Variants in OCSTAMP observed in about 807,000 individuals in gnomAD.
OCSTAMP encodes the protein osteoclast stimulatory transmembrane protein.
A neutral mutation model predicts 25.2 loss-of-function variants in OCSTAMP; 17 were observed. The ratio of observed to expected loss-of-function variants is 0.68; its 90% CI spans 0.46 to 1.01. OCSTAMP has a LOEUF of 1.01. Among genes scored for constraint, OCSTAMP ranks in the 50% least tolerant of loss-of-function variants. OCSTAMP has a pLI of 0.00. For missense variants in OCSTAMP, 664 were observed against 694.6 expected (o/e 0.96, Z 0.50); for synonymous variants, 345 against 318.9 (o/e 1.08, Z -0.87).
In OCSTAMP at chr20:46,545,587, G is replaced by C. The variant is rs1166037832; in HGVS notation, c.787C>G (p.Leu263Val). The C allele has an allele frequency of 6.4e-7, 1 of 1,551,598 alleles. No individual in the cohort carries two copies. The highest frequency in any genetic ancestry group is 2.4e-5 in the East Asian group (1 of 40,922). ...RFDNIYATQQ[L>V]TQRLAQAQAT... is the part of the protein sequence containing the mutation. ...TGGGCCTGTGCCAACCGCTGGGTCA[G>C]CTGTTGAGTGGCGTAGATATTGTCA... Residue 263 changes from leucine to valine, a missense_variant, in exon 2 of 3, where the codon CTG becomes GTG. Leu to Val is a conservative substitution (Grantham distance 32). Coordinates refer to ENST00000279028, the MANE Select transcript of OCSTAMP (RefSeq NM_080721.3).
chr20:46,543,305 C>CCTTTCTTT (rs3972347), intron 2 of OCSTAMP, among the ~76,000 whole-genome samples: 11,759 of 128,288 alleles, frequency 0.092, 705 homozygotes, highest in African/African-American at 0.17. Context: ...CTTTCTCTTT[C>CCTTTCTTT]CTTTCTTTCT....
At chr20:46,548,329 C>T (rs551461845) in intron 1 of OCSTAMP, among the ~76,000 whole-genome samples, 36 of 152,242 alleles carry the variant, frequency 2.4e-4, no homozygotes, top group South Asian at 2.1e-3. Context: ...TCAACTCCAC[C>T]GGAGCAGGGA....
chr20:46,545,963 G>A lies in OCSTAMP; in HGVS notation c.411C>T (p.Asn137=), dbSNP rs1017589066. The stretch of plus-strand genomic sequence containing the variant: ...CGGCCGCACCCACGTTGGCCAGGAC[G>A]TTGGGCACCACAGCAATGGCCAGGG... ...TATLAIAVVP[N]VLANVGAAGQ... is the part of the protein sequence containing the mutation. The change falls in exon 2 of 3, where the codon AAC becomes AAT. Residue 137 remains asparagine, a synonymous_variant. Transcript: ENST00000279028. 7 of 1,551,416 alleles carry A rather than the reference G, an allele frequency of 4.5e-6. No homozygotes were observed. In the East Asian group the frequency reaches 7.3e-5, roughly 16 times the overall value.
chr20:46,543,815 G>A (rs1249815193), intron 2 of OCSTAMP, among the ~76,000 whole-genome samples: 1 of 152,202 alleles, frequency 6.6e-6, no homozygotes, highest in Non-Finnish European at 1.5e-5. Flanking sequence ...GGTGTGACTT[G>A]CAATTGATGA....
intron 1 of OCSTAMP, among the ~76,000 whole-genome samples, chr20:46,549,626 C>T (rs1024505663): frequency 6.6e-6 from 1 of 152,018 alleles, no homozygotes; most frequent in African/African-American, 2.4e-5. Context: ...GTTGGACATC[C>T]CTGACAGAAG....
chr20:46,549,361 C>T (rs926955701), intron 1 of OCSTAMP, among the ~76,000 whole-genome samples: 4 of 152,158 alleles, frequency 2.6e-5, no homozygotes, highest in Non-Finnish European at 5.9e-5. Context: ...TGTGCTGACC[C>T]CTGTGGACAC....
rs769703879 is a variant in OCSTAMP at position 46,545,801 on chromosome 20, G to T, written c.573C>A (p.Asp191Glu). 459 of 1,551,406 alleles carry T rather than the reference G, an allele frequency of 3.0e-4. 2 individuals carry two copies. Among genetic ancestry groups the T allele is most frequent in the South Asian group, 2.4e-3 (202 of 84,064 alleles). ...GSRGLTFEAQ[D>E]NGSAFYLHML... is the part of the protein sequence containing the mutation. ...TGTGAAGGTAGAAGGCAGAGCCATTGTCCTGGGCCTCAAATGTCAGGCCCC... is the reference window on the plus strand; with the variant it reads ...TGTGAAGGTAGAAGGCAGAGCCATTTTCCTGGGCCTCAAATGTCAGGCCCC... Residue 191 changes from aspartate (D) to glutamate (E), a missense_variant, in exon 2 of 3, where the codon GAC becomes GAA. Transcript: ENST00000279028.
rs2061849994 is a variant in OCSTAMP at position 46,545,783 on chromosome 20, G to A, written c.591C>T (p.Tyr197=). 1 of 1,551,392 alleles carries A rather than the reference G, an allele frequency of 6.4e-7. No individual in the cohort carries two copies. The highest frequency in any genetic ancestry group is 2.0e-5 in the Admixed American group (1 of 50,994). Residue 197 remains tyrosine, a synonymous_variant, in exon 2 of 3, where the codon TAC becomes TAT. Coordinates refer to ENST00000279028, the MANE Select transcript of OCSTAMP (RefSeq NM_080721.3). ...GCTGAGTGACCCTGAGCATGTGAAG[G>A]TAGAAGGCAGAGCCATTGTCCTGGG... The part of the protein sequence containing the change: ...FEAQDNGSAF[Y]LHMLRVTQQV...
chr20:46,546,246 G>A lies in OCSTAMP; in HGVS notation c.128C>T (p.Ala43Val). The A allele has an allele frequency of 6.4e-7, 1 of 1,551,178 alleles. No homozygotes were observed. The highest frequency in any genetic ancestry group is 8.7e-7 in the Non-Finnish European group (1 of 1,146,962). ...AWDAFSQPVP[A>V]SCGQLLTQLL... ...CTGGGTCAGCAGCTGGCCACAGCTG[G>A]CTGGAACAGGCTGGGAGAAGGCGTC... Residue 43 changes from alanine to valine, a missense_variant, in exon 2 of 3, where the codon GCC becomes GTC. Transcript: ENST00000279028.
chr20:46,545,585 C>A lies in OCSTAMP; in HGVS notation c.789G>T (p.Leu263=), dbSNP rs1167085760. The stretch of plus-strand genomic sequence containing the variant: ...CCTGGGCCTGTGCCAACCGCTGGGT[C>A]AGCTGTTGAGTGGCGTAGATATTGT... The part of the protein sequence containing the change: ...RFDNIYATQQ[L]TQRLAQAQAT... The change falls in exon 2 of 3, where the codon CTG becomes CTT. Residue 263 remains leucine, a synonymous_variant. Transcript: ENST00000279028. The A allele has an allele frequency of 6.4e-7, 1 of 1,551,696 alleles. No individual in the cohort carries two copies. The highest frequency in any genetic ancestry group is 2.4e-5 in the East Asian group (1 of 40,906).
chr20:46,543,306 CT>C (rs1300064415), intron 2 of OCSTAMP, among the ~76,000 whole-genome samples: 4 of 4,446 alleles, frequency 9.0e-4, no homozygotes, highest in African/African-American at 2.2e-3. Flanking sequence ...TTTCTCTTTC[CT>C]TTCTTTCTTT....
At chr20:46,549,510 T>C (rs915280447) in intron 1 of OCSTAMP, among the ~76,000 whole-genome samples, 15 of 152,102 alleles carry the variant, frequency 9.9e-5, no homozygotes, top group African/African-American at 3.6e-4. Context: ...GTGGGATAGA[T>C]GGAGAGTGAC....
intron 2 of OCSTAMP, among the ~76,000 whole-genome samples, chr20:46,545,070 A>G (rs549208307): frequency 8.9e-4 from 135 of 152,336 alleles, no homozygotes; most frequent in Non-Finnish European, 1.6e-3. Flanking sequence ...GTGAAGGGTG[A>G]CCTTGGATGC....
At chr20:46,545,035 A>G (rs2061846490) in intron 2 of OCSTAMP, among the ~76,000 whole-genome samples, 1 of 152,234 alleles carries the variant, frequency 6.6e-6, no homozygotes, top group Non-Finnish European at 1.5e-5. Flanking sequence ...AATGTGGAAA[A>G]TGAGGCTAGG....
chr20:46,542,683 G>A (rs1223377721), intron 2 of OCSTAMP, among the ~76,000 whole-genome samples: 1 of 151,970 alleles, frequency 6.6e-6, no homozygotes, highest in African/African-American at 2.4e-5. Flanking sequence ...TATAAGCACT[G>A]GGCCCTGCAG....
chr20:46,548,902 C>A (rs2061861543), intron 1 of OCSTAMP, among the ~76,000 whole-genome samples: 2 of 152,192 alleles, frequency 1.3e-5, no homozygotes, highest in Non-Finnish European at 2.9e-5. Context: ...GACAAAAAAA[C>A]TGCCCTTTGT....
chr20:46,549,390 G>C (rs376208911), intron 1 of OCSTAMP, among the ~76,000 whole-genome samples: 4 of 152,128 alleles, frequency 2.6e-5, no homozygotes, highest in Non-Finnish European at 4.4e-5. Flanking sequence ...ATTAAGTCCT[G>C]GTCCCACTAA....
In OCSTAMP at chr20:46,546,162, G is replaced by A. The variant is rs374263614; in HGVS notation, c.212C>T (p.Ala71Val). ...TCCAGGAGGATAAAGCAGCAAGGAT[G>A]CCAGCCAGTGATAAACCAGACCTGC... ...AAAGLVYHWL[A>V]SLLLYPPGPS... The change falls in exon 2 of 3, where the codon GCA (alanine) becomes GTA (valine). Residue 71 changes from alanine (A) to valine (V), a missense_variant. By Grantham distance (64) the Ala-to-Val change is moderately conservative (BLOSUM62 0). Transcript: ENST00000279028. 83 of 1,551,624 alleles carry A rather than the reference G, an allele frequency of 5.3e-5. No individual in the cohort carries two copies. In the African/African-American group the frequency reaches 7.4e-4, roughly 14 times the overall value.
chr20:46,546,653 G>C (rs1369246805), intron 1 of OCSTAMP, among the ~76,000 whole-genome samples: 1 of 152,184 alleles, frequency 6.6e-6, no homozygotes, highest in East Asian at 1.9e-4. Context: ...CCAAGAGAAT[G>C]AAAGAGTCAT....
Sources: gnomAD v4.1 joint callset for allele counts (sites outside exome capture counted in the v4.1 genomes callset) on GRCh38, gnomAD v4.1.1 for gene constraint, MANE v1.5 for transcripts, NCBI Gene and HGNC (gene_info 2026-07-23, HGNC 2026-07-21) for gene names.